The following MYO1H variants were observed in gnomAD, a reference collection of about 807,000 sequenced individuals.
MYO1H encodes unconventional myosin-Ih.
A neutral mutation model predicts 149.3 loss-of-function variants in MYO1H; 118 were observed. The ratio of observed to expected loss-of-function variants is 0.79; its 90% CI spans 0.68 to 0.92. The LOEUF is 0.92. Ranked by LOEUF, MYO1H falls within the 40% of genes least tolerant of loss-of-function variation. The probability of loss-of-function intolerance (pLI) is 0.00; values close to 1 mark genes in which losing one functional copy is unlikely to be tolerated. For missense variants in MYO1H, 1,212 were observed against 1,280.7 expected, an observed-to-expected ratio of 0.95 and a Z score of 0.82; for synonymous variants, 447 against 465.2, an observed-to-expected ratio of 0.96 and a Z score of 0.50.
intron 19 of MYO1H, among the ~76,000 whole-genome samples, chr12:109,428,957 C>T (rs889796649): frequency 6.6e-6 from 1 of 152,150 alleles, no homozygotes; most frequent in Non-Finnish European, 1.5e-5. Context: ...ACCTGTAATT[C>T]CAGCACTTGG....
chr12:109,372,153 G>C (rs1868995866), intron 1 of MYO1H, among the ~76,000 whole-genome samples: 1 of 152,040 alleles, frequency 6.6e-6, no homozygotes, highest in Admixed American at 6.6e-5. Context: ...TTTCTACGTA[G>C]TTGAATGAAC....
At chr12:109,447,077 G>A in intron 31 of MYO1H, 82 bp from the exon 32 acceptor site, 1 of 1,400,272 alleles carries the variant, frequency 7.1e-7, no homozygotes, top group Non-Finnish European at 9.9e-7. Context: ...CTTGCTAATG[G>A]TGACAGTTGA....
At chr12:109,424,529 C>T (rs1871287370) in intron 16 of MYO1H, among the ~76,000 whole-genome samples, 1 of 152,198 alleles carries the variant, frequency 6.6e-6, no homozygotes, top group African/African-American at 2.4e-5. Flanking sequence ...GGAGAAAAAA[C>T]GTCTGGCTTC....
At chr12:109,390,162 T>C (rs1869582229) in intron 2 of MYO1H, among the ~76,000 whole-genome samples, 1 of 152,114 alleles carries the variant, frequency 6.6e-6, no homozygotes, top group Admixed American at 6.6e-5. Context: ...GTTCTCTGTT[T>C]GATTTTTGTC....
At chr12:109,332,258 T>C in the MYO1H span, among the ~76,000 whole-genome samples, 1 of 152,256 alleles carries the variant, frequency 6.6e-6, no homozygotes, top group Non-Finnish European at 1.5e-5. Context: ...AAAGGTGATA[T>C]GTCTGCCAGA....
the MYO1H span, among the ~76,000 whole-genome samples, chr12:109,327,753 A>AAAAG: frequency 6.6e-6 from 1 of 151,198 alleles, no homozygotes; most frequent in African/African-American, 2.4e-5. Context: ...AAAAAAAAAA[A>AAAAG]AAAAGAAAGA....
chr12:109,446,593 T>G (rs567964041), intron 31 of MYO1H: 8 of 300,374 alleles, frequency 2.7e-5, no homozygotes, highest in African/African-American at 1.8e-4. Flanking sequence ...GTGAACTCCG[T>G]CTCTACTAAA....
chr12:109,371,824 T>C (rs1157616372), intron 1 of MYO1H, among the ~76,000 whole-genome samples: 3 of 152,166 alleles, frequency 2.0e-5, no homozygotes, highest in African/African-American at 7.2e-5. Flanking sequence ...TTACTGAGAG[T>C]ATGTTCTCAA....
At chr12:109,417,649 G>A (rs928517743) in intron 15 of MYO1H, among the ~76,000 whole-genome samples, 1 of 152,026 alleles carries the variant, frequency 6.6e-6, no homozygotes, top group Non-Finnish European at 1.5e-5. Flanking sequence ...TCTTCCAACC[G>A]TATTAGTGGG....
chr12:109,375,129 A>G (rs1869062796), intron 1 of MYO1H, among the ~76,000 whole-genome samples: 1 of 148,734 alleles, frequency 6.7e-6, no homozygotes, highest in Admixed American at 6.8e-5. Flanking sequence ...TGCTGGGATT[A>G]CAGGCGTAAG....
chr12:109,396,241 T>G, intron 3 of MYO1H, 143 bp from the exon 4 acceptor site: 1 of 630,916 alleles, frequency 1.6e-6, no homozygotes, highest in Non-Finnish European at 2.7e-6. Context: ...GGGTTTGATA[T>G]GTGTTTGAGC....
intron 1 of MYO1H, among the ~76,000 whole-genome samples, chr12:109,348,292 C>T (rs1868384773): frequency 6.6e-6 from 1 of 152,202 alleles, no homozygotes; most frequent in Non-Finnish European, 1.5e-5. Context: ...AATGCAAGAG[C>T]TCTTGGCTAT....
intron 1 of MYO1H, among the ~76,000 whole-genome samples, chr12:109,371,471 G>A (rs974710083): frequency 2.0e-5 from 3 of 152,040 alleles, no homozygotes; most frequent in Non-Finnish European, 2.9e-5. Flanking sequence ...GCCTGCCTAC[G>A]CCTTCCAAAG....
At chr12:109,439,494 G>T in intron 23 of MYO1H, 137 bp from the exon 24 acceptor site, 1 of 269,142 alleles carries the variant, frequency 3.7e-6, no homozygotes. Context: ...ATGTGGGGCA[G>T]ATTTGGCCTC....
At position 109,388,816 on chromosome 12, in the gene MYO1H, G is replaced by GC. The variant is rs1566023661; in HGVS notation, c.147dup (p.Lys50GlnfsTer43). ...GAATCTGCCTTTGTCGACAACCTCC[G>GC]CAAGCGTTTCAGCGAGAACCTCATA... On this transcript the variant is annotated frameshift_variant, in exon 2 of 32. Transcript: ENST00000310903. LOFTEE classifies it high-confidence loss of function. 1 of 1,612,576 alleles carries GC rather than the reference G, an allele frequency of 6.2e-7. No homozygotes were observed. Among genetic ancestry groups the GC allele is most frequent in the African/African-American group, 1.3e-5 (1 of 74,862 alleles).
In MYO1H at chr12:109,440,730, T is replaced by C; in HGVS notation, c.2455-14T>C. ...TGAGTGAGGCAAGTGGAAAGAAGTG[T>C]GTTCTCCACACAGGCATCAGATCTG... On this transcript the variant is annotated splice_polypyrimidine_tract_variant and intron_variant, in intron 24 of 31. Coordinates refer to ENST00000310903, the Ensembl canonical transcript of MYO1H. 1 of 1,554,242 alleles carries C rather than the reference T, an allele frequency of 6.4e-7. No homozygotes were observed.
chr12:109,335,205 A>G, the MYO1H span, among the ~76,000 whole-genome samples: 1 of 152,156 alleles, frequency 6.6e-6, no homozygotes, highest in African/African-American at 2.4e-5. Flanking sequence ...GCTATTATGA[A>G]TAATGCTGCT....
At chr12:109,348,481 C>T (rs1015667713) in intron 1 of MYO1H, among the ~76,000 whole-genome samples, 3 of 152,156 alleles carry the variant, frequency 2.0e-5, no homozygotes, top group African/African-American at 7.2e-5. Flanking sequence ...AATAATTGGC[C>T]TTACATGTAA....
chr12:109,390,760 G>C (rs1370332731), intron 2 of MYO1H, among the ~76,000 whole-genome samples: 3 of 151,974 alleles, frequency 2.0e-5, no homozygotes, highest in African/African-American at 7.2e-5. Context: ...CCGCCACCCG[G>C]GTTCAAGCAA....
Sources: allele counts gnomAD v4.1 joint callset (sites outside exome capture counted in the v4.1 genomes callset), GRCh38; gene constraint gnomAD v4.1.1; transcripts MANE v1.5; gene names NCBI Gene and HGNC (gene_info 2026-07-23, HGNC 2026-07-21).